Variants in ARSB observed in about 807,000 individuals in gnomAD.
ARSB encodes N-acetylgalactosamine-4-sulfatase.
ARSB carries 41 observed loss-of-function variants against 50.9 expected under a neutral mutation model. The ratio of observed to expected loss-of-function variants is 0.81; its 90% CI spans 0.63 to 1.04. The LOEUF is 1.04. Among genes scored for constraint, ARSB ranks in the 50% least tolerant of loss-of-function variants. ARSB has a pLI of 0.00. For missense variants in ARSB, 672 were observed against 693.3 expected, an observed-to-expected ratio of 0.97 and a Z score of 0.35; for synonymous variants, 269 against 284.8, an observed-to-expected ratio of 0.94 and a Z score of 0.56.
intron 5 of ARSB, among the ~76,000 whole-genome samples, chr5:78,840,881 C>G (rs925121005): frequency 6.6e-6 from 1 of 152,006 alleles, no homozygotes; most frequent in African/African-American, 2.4e-5. Flanking sequence ...GTCCAAAATG[C>G]CAGGAACTAC....
chr5:78,852,038 T>C (rs1015961967), intron 5 of ARSB, among the ~76,000 whole-genome samples: 6 of 152,240 alleles, frequency 3.9e-5, no homozygotes, highest in African/African-American at 1.4e-4. Context: ...TGTCTTTTAA[T>C]TGGAGCATTT....
chr5:78,962,524 A>ATTTTTTTTTTTTTTTTT (rs10683109), intron 3 of ARSB, among the ~76,000 whole-genome samples: 1 of 106,222 alleles, frequency 9.4e-6, no homozygotes, highest in African/African-American at 4.0e-5. Context: ...CATGTGCTCG[A>ATTTTTTTTTTTTTTTTT]TTTTTTTTTT....
intron 4 of ARSB, among the ~76,000 whole-genome samples, chr5:78,938,630 T>G (rs567964276): frequency 2.6e-5 from 4 of 152,320 alleles, no homozygotes; most frequent in African/African-American, 9.6e-5. Flanking sequence ...TTCTATAATA[T>G]TTTATAAGTC....
chr5:78,821,090 TG>T (rs1744201410), intron 6 of ARSB, among the ~76,000 whole-genome samples: 1 of 152,202 alleles, frequency 6.6e-6, no homozygotes, highest in Non-Finnish European at 1.5e-5. Flanking sequence ...GTCACCTCTG[TG>T]GAGGGGGACA....
intron 4 of ARSB, among the ~76,000 whole-genome samples, chr5:78,951,222 A>G (rs962932451): frequency 3.9e-5 from 6 of 152,026 alleles, no homozygotes; most frequent in Non-Finnish European, 8.8e-5. Flanking sequence ...TTATTTTTTT[A>G]TTTTATTTTT....
chr5:78,797,796 T>G (rs924969671), intron 6 of ARSB, among the ~76,000 whole-genome samples: 9 of 152,186 alleles, frequency 5.9e-5, no homozygotes, highest in African/African-American at 2.2e-4. Context: ...TCAAACTGGG[T>G]GCCTTGTCTC....
chr5:78,857,020 T>C (rs1011414519), intron 5 of ARSB, among the ~76,000 whole-genome samples: 2 of 152,200 alleles, frequency 1.3e-5, no homozygotes, highest in African/African-American at 2.4e-5. Flanking sequence ...AGAGTTGTTA[T>C]GAGAATTGCA....
intron 6 of ARSB, among the ~76,000 whole-genome samples, chr5:78,800,993 T>C (rs1017577968): frequency 6.6e-6 from 1 of 152,316 alleles, no homozygotes. Context: ...GGACTCTGGA[T>C]AGTTGAGCAC....
At chr5:78,869,082 G>C (rs1346320504) in intron 5 of ARSB, among the ~76,000 whole-genome samples, 35 of 149,256 alleles carry the variant, frequency 2.3e-4, no homozygotes, top group Non-Finnish European at 4.6e-4. Flanking sequence ...TTACATACTG[G>C]TAAAGGGATC....
chr5:78,874,112 G>T (rs1008312129), intron 5 of ARSB, among the ~76,000 whole-genome samples: 3 of 152,250 alleles, frequency 2.0e-5, no homozygotes, highest in Non-Finnish European at 4.4e-5. Flanking sequence ...TGGGACAAGG[G>T]TTTTATTTTA....
intron 5 of ARSB, among the ~76,000 whole-genome samples, chr5:78,850,975 G>C (rs559722439): frequency 1.3e-5 from 2 of 151,922 alleles, no homozygotes; most frequent in Non-Finnish European, 2.9e-5. Flanking sequence ...TCTTGCTAGC[G>C]GTCTATCAAT....
intron 4 of ARSB, among the ~76,000 whole-genome samples, chr5:78,938,568 A>G (rs1052155724): frequency 2.0e-4 from 30 of 152,312 alleles, no homozygotes; most frequent in African/African-American, 7.2e-4. Flanking sequence ...TGTCTGAAGA[A>G]CCCAGTGAGA....
In ARSB at chr5:78,969,104, T is replaced by C. The variant is rs371631385; in HGVS notation, c.401A>G (p.Lys134Arg). ...LDEKLLPQLL[K>R]EAGYTTHMVG... ...CATATGGGTAGTATAACCTGCTTCT[T>C]TTAGGAGCTGGGGCAGGAGTTTTTC... The change falls in exon 2 of 8, where the codon AAA (lysine) becomes AGA (arginine). Residue 134 changes from lysine to arginine, a missense_variant. Transcript: ENST00000264914. 7.4e-6 allele frequency: 12 copies of C among 1,614,124 alleles called. No homozygotes were observed. Among genetic ancestry groups the C allele is most frequent in the Admixed American group, 1.7e-5 (1 of 60,012 alleles).
chr5:78,841,159 C>CTAATAA (rs1491359597), intron 5 of ARSB, among the ~76,000 whole-genome samples: 1,386 of 94,096 alleles, frequency 0.015, 27 homozygotes, highest in African/African-American at 0.045. Flanking sequence ...ACTACTACTA[C>CTAATAA]TACTACTACT....
chr5:78,815,501 G>C, intron 6 of ARSB: 5 of 975,878 alleles, frequency 5.1e-6, no homozygotes, highest in Non-Finnish European at 6.1e-6. Flanking sequence ...CCCCTGTGCA[G>C]TTAGCAACCT....
At chr5:78,851,425 C>T (rs193275493) in intron 5 of ARSB, among the ~76,000 whole-genome samples, 379 of 152,184 alleles carry the variant, frequency 2.5e-3, no homozygotes, top group African/African-American at 8.4e-3. Context: ...GTCTGAGAGA[C>T]AGTTTGTTAT....
intron 6 of ARSB, among the ~76,000 whole-genome samples, chr5:78,787,223 A>T (rs1440853104): frequency 1.3e-5 from 2 of 152,122 alleles, no homozygotes; most frequent in Non-Finnish European, 2.9e-5. Flanking sequence ...CTGGGATTAC[A>T]GGTGTGAGCC....
chr5:78,880,509 A>G (rs1434487511), intron 5 of ARSB, among the ~76,000 whole-genome samples: 2 of 152,244 alleles, frequency 1.3e-5, no homozygotes, highest in African/African-American at 2.4e-5. Flanking sequence ...ATCAAAAATG[A>G]TTGGATATCA....
chr5:78,854,629 T>TA (rs200457842), intron 5 of ARSB, among the ~76,000 whole-genome samples: 19,260 of 152,210 alleles, frequency 0.13, 1,385 homozygotes, highest in Middle Eastern at 0.21. Context: ...AACAAGGTTT[T>TA]CTCTTGTTTC....
Sources: allele counts gnomAD v4.1 joint callset (sites outside exome capture counted in the v4.1 genomes callset), GRCh38; gene constraint gnomAD v4.1.1; transcripts MANE v1.5; gene names NCBI Gene and HGNC (gene_info 2026-07-23, HGNC 2026-07-21).